The following RASGRP3 variants were observed in gnomAD, a reference collection of about 807,000 sequenced individuals.
RASGRP3 encodes the protein ras guanyl-releasing protein 3.
Under a neutral mutation model 82.7 loss-of-function variants are expected in RASGRP3, and 54 were observed. That is an observed-to-expected ratio of 0.65 (90% confidence interval 0.52 to 0.82). The LOEUF (loss-of-function observed/expected upper bound fraction) is 0.82, where lower values mean the gene tolerates loss of function less well. Ranked by LOEUF, RASGRP3 falls within the 40% of genes least tolerant of loss-of-function variation. RASGRP3 has a pLI of 0.00. For missense variants in RASGRP3, 861 were observed against 828.9 expected (o/e 1.04, Z -0.48); for synonymous variants, 309 against 300.5 (o/e 1.03, Z -0.29).
At position 33,534,091 on chromosome 2, in the gene RASGRP3, A is replaced by G. The variant is rs1673362114; in HGVS notation, c.1084-232A>G. On this transcript the variant is annotated intron_variant, in intron 10 of 17. Transcript: ENST00000403687. Reference sequence around the variant, plus strand: ...AGCACCTGGGAGCTGCTCAGTAAATATTGCTGAGGAATTGAGTTGATGGTT... The same window carrying G: ...AGCACCTGGGAGCTGCTCAGTAAATGTTGCTGAGGAATTGAGTTGATGGTT... The G allele has an allele frequency of 5.7e-6, 3 of 529,286 alleles. No homozygotes were observed. The South Asian group carries it at 7.1e-5, about 13-fold the overall frequency. 32.8% of individuals were successfully genotyped at this position (529,286 alleles called of 1,614,324 possible). A position where few individuals can be genotyped will look rare whatever the true frequency, so the allele number is the denominator to read the frequency against.
chr2:33,468,223 T>C (rs9679399), intron 2 of RASGRP3, among the ~76,000 whole-genome samples: 6,153 of 152,032 alleles, frequency 0.04, 431 homozygotes, highest in African/African-American at 0.14. Context: ...GAGGAGGAAA[T>C]ATATGTGACC....
intron 7 of RASGRP3, among the ~76,000 whole-genome samples, chr2:33,523,419 C>G (rs1050535988): frequency 6.6e-6 from 1 of 150,408 alleles, no homozygotes; most frequent in African/African-American, 2.5e-5. Flanking sequence ...GAGCCGAGAT[C>G]GCGCCACTGC....
At chr2:33,535,416 G>C (rs910552084) in intron 11 of RASGRP3, among the ~76,000 whole-genome samples, 1 of 152,206 alleles carries the variant, frequency 6.6e-6, no homozygotes, top group African/African-American at 2.4e-5. Context: ...ATCACATCTT[G>C]AGATCAGTTC....
At chr2:33,502,205 G>A (rs1669934140) in intron 1 of RASGRP3, among the ~76,000 whole-genome samples, 1 of 152,112 alleles carries the variant, frequency 6.6e-6, no homozygotes, top group African/African-American at 2.4e-5. Context: ...CAAGCTAGAG[G>A]AAGGAGAAGT....
chr2:33,487,626 C>G (rs569631471), intron 1 of RASGRP3, among the ~76,000 whole-genome samples: 2 of 152,190 alleles, frequency 1.3e-5, no homozygotes, highest in Non-Finnish European at 2.9e-5. Flanking sequence ...CTATTACCCT[C>G]AAACAAAAGT....
At position 33,539,061 on chromosome 2, in the gene RASGRP3, T is replaced by G. The variant is rs750214005; in HGVS notation, c.1162-33T>G. 4.2e-6 allele frequency: 6 copies of G among 1,415,394 alleles called. No homozygotes were observed. The Admixed American group carries it at 1.1e-4, about 25-fold the overall frequency. The allele number at this position is 1,415,394 out of a possible 1,614,324, so 87.7% of individuals were successfully genotyped here. ...CTCAAAATAATAATAATAATAAAGTTGAAAAATATGTGGTTTTTTTTTTGT... is the reference window on the plus strand; with the variant it reads ...CTCAAAATAATAATAATAATAAAGTGGAAAAATATGTGGTTTTTTTTTTGT... On this transcript the variant is annotated intron_variant, in intron 11 of 17. Coordinates refer to ENST00000403687, the MANE Select transcript of RASGRP3 (RefSeq NM_001139488.2).
At chr2:33,476,758 C>CGTGCGTGTGTGTGTGTGTGTGT (rs1553338895) in intron 1 of RASGRP3, 51 bp downstream of exon 1, 23 of 140,340 alleles carry the variant, frequency 1.6e-4, no homozygotes, top group Non-Finnish European at 2.6e-4. Context: ...ATTCCCTCTC[C>CGTGCGTGTGTGTGTGTGTGTGT]GTGTGTGTGT....
intron 2 of RASGRP3, among the ~76,000 whole-genome samples, chr2:33,469,865 C>T (rs949309057): frequency 6.6e-6 from 1 of 152,106 alleles, no homozygotes; most frequent in Non-Finnish European, 1.5e-5. Context: ...ATGATTTAAC[C>T]TGTTTTTGAA....
chr2:33,524,542 T>C lies in RASGRP3; in HGVS notation c.801T>C (p.Val267=), dbSNP rs184676162. Residue 267 remains valine (V), a synonymous_variant, in exon 9 of 18, where the codon GTT becomes GTC. Transcript: ENST00000403687. ...KETHSHLSSE[V]TKNWNEMTEL... The stretch of plus-strand genomic sequence containing the variant: ...CCCATTCTCATCTTTCTTCAGAAGT[T>C]ACAAAGGTATAGTAGACTTGATCCT... 336 of 1,580,098 alleles carry C rather than the reference T, an allele frequency of 2.1e-4. 1 individual carries two copies. The African/African-American group carries it at 3.8e-3, about 18-fold the overall frequency.
intron 1 of RASGRP3, among the ~76,000 whole-genome samples, chr2:33,445,182 G>A (rs1665436117): frequency 6.6e-6 from 1 of 152,222 alleles, no homozygotes; most frequent in Admixed American, 6.5e-5. Flanking sequence ...GATAGCTTCT[G>A]TGTGCTAAAT....
At chr2:33,460,923 T>C (rs192612585) in intron 2 of RASGRP3, among the ~76,000 whole-genome samples, 1 of 152,354 alleles carries the variant, frequency 6.6e-6, no homozygotes, top group African/African-American at 2.4e-5. Context: ...GCCATTAGTT[T>C]GTAAGTCTAA....
chr2:33,488,587 C>T (rs1395352077), intron 1 of RASGRP3, among the ~76,000 whole-genome samples: 1 of 152,114 alleles, frequency 6.6e-6, no homozygotes, highest in Non-Finnish European at 1.5e-5. Context: ...CTGACTTCCT[C>T]CAGAAGAGGA....
chr2:33,437,946 T>A (rs1665013937), intron 1 of RASGRP3, among the ~76,000 whole-genome samples: 1 of 152,238 alleles, frequency 6.6e-6, no homozygotes. Flanking sequence ...AAGTCAGTTC[T>A]GAGTCCACTT....
intron 5 of RASGRP3, 44 bp from the exon 6 acceptor site, chr2:33,520,509 A>G (rs774897853): frequency 6.2e-7 from 1 of 1,609,714 alleles, no homozygotes; most frequent in South Asian, 1.1e-5. Context: ...ATAGATAACC[A>G]ACTTGCAATC....
chr2:33,544,891 G>A (rs1028836684), intron 13 of RASGRP3, among the ~76,000 whole-genome samples: 2 of 151,828 alleles, frequency 1.3e-5, no homozygotes, highest in Non-Finnish European at 2.9e-5. Flanking sequence ...ACCAAGAAAA[G>A]TCTTGACACA....
At chr2:33,527,677 C>T (rs1672717363) in intron 10 of RASGRP3, among the ~76,000 whole-genome samples, 2 of 152,184 alleles carry the variant, frequency 1.3e-5, no homozygotes, top group South Asian at 2.1e-4. Context: ...TTCTTAGGCT[C>T]CTCCAGACTG....
In RASGRP3 at chr2:33,538,145, T is replaced by G. The variant is rs531848378; in HGVS notation, c.1162-949T>G. ...TTGTTATATAAAAGTTTTAGTGATA[T>G]TTGGAGAACTCGGATAGGATTTTTG... is the stretch of plus-strand genomic sequence containing the variant. On this transcript the variant is annotated intron_variant, in intron 11 of 17. Coordinates refer to ENST00000403687, the MANE Select transcript of RASGRP3 (RefSeq NM_001139488.2). Among the ~76,000 whole-genome samples the G allele has an allele frequency of 1.2e-4, 18 of 152,320 alleles. 1 individual carries two copies. The South Asian group carries it at 2.9e-3, about 25-fold the overall frequency.
intron 2 of RASGRP3, among the ~76,000 whole-genome samples, chr2:33,470,617 G>T (rs1036681836): frequency 7.2e-5 from 11 of 152,112 alleles, no homozygotes; most frequent in African/African-American, 2.7e-4. Context: ...CTGACCTTGT[G>T]ATCCACCCTC....
At chr2:33,522,690 T>C (rs1672152603) in intron 7 of RASGRP3, among the ~76,000 whole-genome samples, 1 of 152,220 alleles carries the variant, frequency 6.6e-6, no homozygotes, top group Non-Finnish European at 1.5e-5. Flanking sequence ...CCTCCCGTTA[T>C]GGTAAACATT....
Sources: allele counts gnomAD v4.1 joint callset (sites outside exome capture counted in the v4.1 genomes callset), GRCh38; gene constraint gnomAD v4.1.1; transcripts MANE v1.5; gene names NCBI Gene and HGNC (gene_info 2026-07-23, HGNC 2026-07-21).